CLUL1: variants seen among roughly 807,000 people sequenced by gnomAD.
CLUL1 encodes clusterin like 1.
Under a neutral mutation model 49.4 loss-of-function variants are expected in CLUL1, and 43 were observed. The observed-to-expected ratio is 0.87, with a 90% CI of 0.68 to 1.12. CLUL1 has a LOEUF of 1.12. CLUL1 is among the 50% of genes most tolerant of loss of function. The pLI is 0.00. For synonymous variants in CLUL1, 192 were observed against 184.9 expected (o/e 1.04, Z -0.31); for missense variants, 486 against 544.4 (o/e 0.89, Z 1.07).
At chr18:621,902 G>GTCTTCTTA (rs2073498147) in intron 4 of CLUL1, among the ~76,000 whole-genome samples, 1 of 152,150 alleles carries the variant, frequency 6.6e-6, no homozygotes, top group Non-Finnish European at 1.5e-5. Context: ...GTAAGCAAAT[G>GTCTTCTTA]TGGATTTCAC....
rs528114166 is a variant in CLUL1, at chr18:608,178, C to T, written c.-14+1079C>T. On this transcript the variant is annotated intron_variant, in intron 2 of 9. Coordinates refer to ENST00000692774, the MANE Select transcript of CLUL1 (RefSeq NM_001393344.1). Reference sequence around the variant, plus strand: ...TTGCTCTGTGCCTTTGGGAGGTTGACCCTGAGTTGGCATCTCAGGGTCTCA... The same window carrying T: ...TTGCTCTGTGCCTTTGGGAGGTTGATCCTGAGTTGGCATCTCAGGGTCTCA... Among the ~76,000 whole-genome samples the T allele has an allele frequency of 1.2e-3, 189 of 152,220 alleles. 1 individual carries two copies. Among genetic ancestry groups the T allele is most frequent in the African/African-American group, 4.2e-3 (175 of 41,530 alleles).
At chr18:648,774 A>G (rs2074590692) in intron 9 of CLUL1, among the ~76,000 whole-genome samples, 1 of 152,130 alleles carries the variant, frequency 6.6e-6, no homozygotes, top group Non-Finnish European at 1.5e-5. Context: ...CTCATGCCTC[A>G]GCCTCCCAAG....
At chr18:637,475 A>T (rs950118530) in intron 7 of CLUL1, among the ~76,000 whole-genome samples, 10 of 152,138 alleles carry the variant, frequency 6.6e-5, no homozygotes, top group Non-Finnish European at 1.5e-4. Flanking sequence ...AGAGTCCATT[A>T]TACAAATGGA....
At chr18:626,793 G>A (rs780193003) in intron 5 of CLUL1, among the ~76,000 whole-genome samples, 2 of 147,528 alleles carry the variant, frequency 1.4e-5, no homozygotes, top group African/African-American at 2.5e-5. Context: ...CCCAGGAGGC[G>A]GAGGTTGCAG....
At chr18:633,214 T>C in intron 6 of CLUL1, 84 bp from the exon 7 acceptor site, 2 of 1,163,384 alleles carry the variant, frequency 1.7e-6, no homozygotes, top group Non-Finnish European at 1.2e-6. Context: ...AAAGCACTGG[T>C]AAGAAAAAGC....
At position 641,425 on chromosome 18, in the gene CLUL1, C is replaced by A. The variant is rs767975389; in HGVS notation, c.1093C>A (p.Arg365=). The change falls in exon 8 of 10, where the codon CGG becomes AGG. Residue 365 remains arginine (R), a synonymous_variant. Coordinates refer to ENST00000692774, the MANE Select transcript of CLUL1 (RefSeq NM_001393344.1). ...QQYGQILQMT[R]KHLEDTAYLV... ...GTATGGCCAGATTCTCCAGATGACC[C>A]GGAAGCACTTGGAGGACACCGCCTA... 13 of 1,614,142 alleles carry A rather than the reference C, an allele frequency of 8.1e-6. No individual in the cohort carries two copies. In the South Asian group the frequency reaches 1.3e-4, roughly 16 times the overall value.
chr18:613,000 T>C (rs1358977118), intron 2 of CLUL1: 2 of 284,986 alleles, frequency 7.0e-6, no homozygotes, highest in Non-Finnish European at 1.3e-5. Context: ...ACAGATAAAT[T>C]CTGGCTTCAT....
chr18:629,759 A>G (rs1292276066), intron 6 of CLUL1, among the ~76,000 whole-genome samples: 1 of 152,230 alleles, frequency 6.6e-6, no homozygotes. Context: ...TTTCTCCAGT[A>G]TCCCTCCCCT....
At chr18:603,733 C>A (rs116420573) in intron 1 of CLUL1, among the ~76,000 whole-genome samples, 6,811 of 152,236 alleles carry the variant, frequency 0.045, 218 homozygotes, top group South Asian at 0.16. Flanking sequence ...GATATTCAAG[C>A]CATTAGCAGA....
intron 6 of CLUL1, among the ~76,000 whole-genome samples, chr18:632,216 G>GA (rs1049710728): frequency 7.2e-5 from 11 of 152,044 alleles, no homozygotes; most frequent in African/African-American, 2.4e-4. Context: ...TCTCCTAGGG[G>GA]AAAAAACTTC....
Position 618,026 on chromosome 18 carries a change from T to C in CLUL1, c.26T>C (p.Ile9Thr), listed in dbSNP as rs772589301. The C allele has an allele frequency of 1.2e-6, 2 of 1,614,158 alleles. No homozygotes were observed. Among genetic ancestry groups the C allele is most frequent in the Non-Finnish European group, 1.7e-6 (2 of 1,180,020 alleles). Residue 9 changes from isoleucine to threonine, a missense_variant, in exon 3 of 10, where the codon ATT becomes ACT. Ile to Thr is a moderately conservative substitution (Grantham distance 89, BLOSUM62 -1). Transcript: ENST00000692774. The surrounding 1 kb of genome is among the most constrained non-coding windows in gnomAD (Gnocchi z 4.2). Reference sequence around the variant, plus strand: ...ATGAAGCCGCCACTCTTGGTGTTTATTGTGTGTCTGCTGTGGTTGAAAGAC... The same window carrying C: ...ATGAAGCCGCCACTCTTGGTGTTTACTGTGTGTCTGCTGTGGTTGAAAGAC... The part of the protein sequence containing the change: MKPPLLVF[I>T]VCLLWLKDSH...
intron 9 of CLUL1, among the ~76,000 whole-genome samples, chr18:645,802 AAAAAAAAAATATATATATATATATAT>A (rs2074467344): frequency 2.0e-5 from 1 of 50,204 alleles, no homozygotes; most frequent in African/African-American, 8.3e-5. Context: ...TAAAAAAAAA[AAAAAAAAAATATATATATATATATAT>A]ATATATATAT....
At chr18:628,848 G>T (rs1176713422) in intron 6 of CLUL1, among the ~76,000 whole-genome samples, 2 of 151,816 alleles carry the variant, frequency 1.3e-5, no homozygotes, top group African/African-American at 4.8e-5. Flanking sequence ...GGCCAGGCTG[G>T]TCTCGAACTC....
intron 4 of CLUL1, among the ~76,000 whole-genome samples, chr18:620,959 T>G (rs2073473944): frequency 6.6e-6 from 1 of 152,250 alleles, no homozygotes; most frequent in African/African-American, 2.4e-5. Context: ...TCAATTTTAA[T>G]GTTGAGAGTA....
At chr18:645,445 T>G (rs1487265407) in intron 9 of CLUL1, among the ~76,000 whole-genome samples, 1 of 152,040 alleles carries the variant, frequency 6.6e-6, no homozygotes, top group Non-Finnish European at 1.5e-5. Flanking sequence ...AAGGAATAAA[T>G]CTAAATTTGA....
intron 1 of CLUL1, chr18:597,940 A>G (rs1380332120): frequency 2.0e-5 from 3 of 152,208 alleles, no homozygotes; most frequent in Non-Finnish European, 2.9e-5. Flanking sequence ...CCTTAAACCG[A>G]TTACTCTAGC....
chr18:605,561 C>A (rs1598408744), intron 1 of CLUL1, among the ~76,000 whole-genome samples: 2 of 150,864 alleles, frequency 1.3e-5, no homozygotes, highest in Admixed American at 6.6e-5. Context: ...AGAATGAGAC[C>A]TTGTCTCAAA....
At chr18:613,300 A>G in intron 2 of CLUL1, 1 of 378,258 alleles carries the variant, frequency 2.6e-6, no homozygotes, top group Non-Finnish European at 4.7e-6. Flanking sequence ...CACCACACCC[A>G]GCTAATTTTT....
intron 8 of CLUL1, among the ~76,000 whole-genome samples, chr18:644,025 A>C (rs2074408247): frequency 6.6e-6 from 1 of 152,256 alleles, no homozygotes; most frequent in South Asian, 2.1e-4. Flanking sequence ...GAAAAGTACA[A>C]ACCCATAAAA....
Sources: gnomAD v4.1 joint callset for allele counts (sites outside exome capture counted in the v4.1 genomes callset) on GRCh38, gnomAD v4.1.1 for gene constraint, Gnocchi (gnomAD v3.1) non-coding constraint, MANE v1.5 for transcripts, NCBI Gene and HGNC (gene_info 2026-07-23, HGNC 2026-07-21) for gene names.